RIMS1: variants seen among roughly 807,000 people sequenced by gnomAD.
RIMS1 encodes the protein regulating synaptic membrane exocytosis 1, also known as regulating synaptic membrane exocytosis protein 1.
In RIMS1, 83 loss-of-function variants were observed where a neutral mutation model predicts 214.1. The ratio of observed to expected loss-of-function variants is 0.39; its 90% CI spans 0.32 to 0.47. RIMS1 has a LOEUF of 0.47. Among genes scored for constraint, RIMS1 ranks in the 20% least tolerant of loss-of-function variants. RIMS1 has a pLI of 0.99. For synonymous variants in RIMS1, 793 were observed against 786.8 expected, an observed-to-expected ratio of 1.01 and a Z score of -0.13; for missense variants, 2,050 against 2,161.8, an observed-to-expected ratio of 0.95 and a Z score of 1.03.
rs1465320836 is a variant in RIMS1 at position 71,886,921 on chromosome 6, G to T, written c.-103G>T. Reference sequence around the variant, plus strand: ...CGCTGCTCCTCCTCCTGCCGCCGCCGCTAGGGCTCCGCTGTGAGGGGGAAG... The same window carrying T: ...CGCTGCTCCTCCTCCTGCCGCCGCCTCTAGGGCTCCGCTGTGAGGGGGAAG... On this transcript the variant is annotated 5_prime_UTR_variant, in exon 1 of 34. Transcript: ENST00000521978. 4.3e-6 allele frequency: 6 copies of T among 1,396,298 alleles called. No homozygotes were observed. The highest frequency in any genetic ancestry group is 2.9e-5 in the African/African-American group (2 of 70,144). The allele number at this position is 1,396,298 out of a possible 1,614,324, so 86.5% of individuals were successfully genotyped here. A position where few individuals can be genotyped will look rare whatever the true frequency, so the allele number is the denominator to read the frequency against.
intron 2 of RIMS1, among the ~76,000 whole-genome samples, chr6:72,075,981 G>A (rs1258180622): frequency 6.6e-6 from 1 of 152,164 alleles, no homozygotes; most frequent in African/African-American, 2.4e-5. Context: ...AAATATGCGA[G>A]TATGTGACCT....
chr6:72,183,108 G>T lies in RIMS1; in HGVS notation c.1637G>T (p.Cys546Phe), dbSNP rs1404431617. ...EGVSTPEYTS[C>F]EDVELESESV... ...GTGTCGACGCCCGAGTACACCAGCT[G>T]CGAGGACGTGGAGCTGGAGAGCGAG... is the stretch of plus-strand genomic sequence containing the variant. The change falls in exon 6 of 34, where the codon TGC becomes TTC. Residue 546 changes from cysteine (C) to phenylalanine (F), a missense_variant. By Grantham distance (205) the Cys-to-Phe change is radical (BLOSUM62 -2). Coordinates refer to ENST00000521978, the MANE Select transcript of RIMS1 (RefSeq NM_014989.7). 1 of 1,591,896 alleles carries T rather than the reference G, an allele frequency of 6.3e-7. No individual in the cohort carries two copies. The highest frequency in any genetic ancestry group is 8.5e-7 in the Non-Finnish European group (1 of 1,170,192).
At chr6:72,380,995 T>C (rs145000448) in intron 29 of RIMS1, among the ~76,000 whole-genome samples, 1 of 152,274 alleles carries the variant, frequency 6.6e-6, no homozygotes, top group African/African-American at 2.4e-5. Flanking sequence ...TAAAATCCAC[T>C]CCCTAAATGT....
chr6:72,217,286 T>C, intron 6 of RIMS1: 1 of 1,457,294 alleles, frequency 6.9e-7, no homozygotes, highest in Non-Finnish European at 9.3e-7. Flanking sequence ...GTAAAGTTAA[T>C]GTAATTTATT....
intron 2 of RIMS1, among the ~76,000 whole-genome samples, chr6:72,008,862 C>T (rs1422672765): frequency 6.6e-6 from 1 of 152,112 alleles, no homozygotes; most frequent in Non-Finnish European, 1.5e-5. Context: ...TAGACTCCCA[C>T]ACAATAATAA....
Position 71,997,459 on chromosome 6 carries a change from G to T in RIMS1, c.245+28396G>T, listed in dbSNP as rs141627339. On this transcript the variant is annotated intron_variant, in intron 2 of 33. Coordinates refer to ENST00000521978, the MANE Select transcript of RIMS1 (RefSeq NM_014989.7). ...TTAATGAAGTGTGAACAAAGCTCATGTGCTTTAAATTGCTGTCCCTTTCAT... is the reference window on the plus strand; with the variant it reads ...TTAATGAAGTGTGAACAAAGCTCATTTGCTTTAAATTGCTGTCCCTTTCAT... 3.0e-3 allele frequency among the ~76,000 whole-genome samples: 462 copies of T among 152,304 alleles called. 5 individuals carry two copies. The highest frequency in any genetic ancestry group is 0.01 in the African/African-American group (433 of 41,580).
At chr6:72,255,491 C>T (rs797008574) in intron 16 of RIMS1, among the ~76,000 whole-genome samples, 44 of 152,266 alleles carry the variant, frequency 2.9e-4, no homozygotes, top group Middle Eastern at 3.4e-3. Context: ...TGTTTACTAT[C>T]TTTTTCCAGT....
chr6:71,978,425 A>T (rs1938977214), intron 2 of RIMS1, among the ~76,000 whole-genome samples: 1 of 151,862 alleles, frequency 6.6e-6, no homozygotes, highest in African/African-American at 2.4e-5. Flanking sequence ...TTTTATTGTG[A>T]TTTTTTTTAC....
chr6:72,076,741 C>A (rs994614172), intron 2 of RIMS1, among the ~76,000 whole-genome samples: 6 of 151,930 alleles, frequency 3.9e-5, no homozygotes, highest in African/African-American at 1.5e-4. Context: ...TAATATTTTA[C>A]ATTGGTGTGA....
At chr6:72,352,107 C>G (rs553101762) in intron 29 of RIMS1, among the ~76,000 whole-genome samples, 17 of 152,316 alleles carry the variant, frequency 1.1e-4, no homozygotes, top group Non-Finnish European at 1.9e-4. Context: ...AGTGAACCTT[C>G]TGACTCTGCA....
intron 4 of RIMS1, among the ~76,000 whole-genome samples, chr6:72,122,581 A>G (rs1227631804): frequency 6.6e-6 from 1 of 151,758 alleles, no homozygotes; most frequent in East Asian, 1.9e-4. Context: ...CTCTGGTGGA[A>G]TTTGGCTGTG....
chr6:72,365,222 T>C (rs1362351702), intron 29 of RIMS1, among the ~76,000 whole-genome samples: 1 of 152,228 alleles, frequency 6.6e-6, no homozygotes, highest in Non-Finnish European at 1.5e-5. Flanking sequence ...AGCCATTCTT[T>C]TACGTTCTTT....
chr6:72,010,073 A>T (rs1468527083), intron 2 of RIMS1, among the ~76,000 whole-genome samples: 2 of 152,174 alleles, frequency 1.3e-5, no homozygotes, highest in African/African-American at 4.8e-5. Context: ...TCGATGCAAA[A>T]ATCCTCAATA....
chr6:72,242,517 A>G, intron 10 of RIMS1, 80 bp downstream of exon 10: 2 of 997,566 alleles, frequency 2.0e-6, no homozygotes, highest in Non-Finnish European at 3.0e-6. Context: ...TTATACATTC[A>G]TACAGTACAT....
At chr6:72,195,339 T>C (rs1428517216) in intron 6 of RIMS1, among the ~76,000 whole-genome samples, 1 of 152,184 alleles carries the variant, frequency 6.6e-6, no homozygotes, top group Non-Finnish European at 1.5e-5. Context: ...GGCAGTTGGT[T>C]GGTTTATAGC....
At chr6:72,011,885 C>A (rs1246431889) in intron 2 of RIMS1, among the ~76,000 whole-genome samples, 2 of 152,166 alleles carry the variant, frequency 1.3e-5, no homozygotes, top group South Asian at 4.1e-4. Context: ...GTTGGTGGGA[C>A]GGTAAACTAG....
chr6:72,316,882 A>C (rs1430497278), intron 28 of RIMS1: 1 of 1,003,886 alleles, frequency 1.0e-6, no homozygotes, highest in Admixed American at 1.8e-5. Flanking sequence ...CCCCAGGGGG[A>C]GGCCCTGTGT....
intron 2 of RIMS1, among the ~76,000 whole-genome samples, chr6:71,984,752 T>G (rs556250832): frequency 7.2e-6 from 1 of 138,356 alleles, no homozygotes; most frequent in Non-Finnish European, 1.6e-5. Flanking sequence ...TGTGTATGTA[T>G]GTATGTATGT....
At chr6:72,333,453 A>G in intron 28 of RIMS1, 147 bp from the exon 29 acceptor site, 1 of 594,612 alleles carries the variant, frequency 1.7e-6, no homozygotes, top group South Asian at 2.1e-5. Context: ...GTGATACTAA[A>G]GTATTTGTAG....
Sources: allele counts gnomAD v4.1 joint callset (sites outside exome capture counted in the v4.1 genomes callset), GRCh38; gene constraint gnomAD v4.1.1; transcripts MANE v1.5; gene names NCBI Gene and HGNC (gene_info 2026-07-23, HGNC 2026-07-21).